The following RABGEF1 variants were observed in gnomAD, a reference collection of about 807,000 sequenced individuals.
The protein encoded by RABGEF1 is rab5 GDP/GTP exchange factor.
Under a neutral mutation model 57.3 loss-of-function variants are expected in RABGEF1, and 26 were observed. The ratio of observed to expected loss-of-function variants is 0.45; its 90% CI spans 0.33 to 0.63. The LOEUF is 0.63. Among genes scored for constraint, RABGEF1 ranks in the 20% least tolerant of loss-of-function variants. The pLI is 0.02. For synonymous variants in RABGEF1, 185 were observed against 210.7 expected (o/e 0.88, Z 1.06); for missense variants, 464 against 607.6 (o/e 0.76, Z 2.48).
intron 1 of RABGEF1, among the ~76,000 whole-genome samples, chr7:66,711,649 C>G (rs1049095021): frequency 5.3e-5 from 8 of 151,762 alleles, no homozygotes; most frequent in African/African-American, 1.9e-4. Flanking sequence ...TGCAGTGGCA[C>G]AATCTCGGCT....
At chr7:66,755,475 CAAGAA>C (rs932123382) in intron 1 of RABGEF1, among the ~76,000 whole-genome samples, 2 of 151,000 alleles carry the variant, frequency 1.3e-5, no homozygotes, top group African/African-American at 4.9e-5. Context: ...GATCCTATGT[CAAGAA>C]AAGAAAAGAA....
intron 1 of RABGEF1, among the ~76,000 whole-genome samples, chr7:66,746,698 A>G (rs1226576080): frequency 1.5e-5 from 2 of 134,982 alleles, no homozygotes; most frequent in Non-Finnish European, 3.0e-5. Flanking sequence ...ATCTCTACTC[A>G]CTGCAACTTC....
intron 8 of RABGEF1, 74 bp downstream of exon 8, chr7:66,805,470 T>G: frequency 1.9e-6 from 3 of 1,582,028 alleles, no homozygotes; most frequent in East Asian, 2.2e-5. Context: ...ACAGGTCACT[T>G]AGGCCCGTGA....
intron 1 of RABGEF1, among the ~76,000 whole-genome samples, chr7:66,763,151 T>C (rs181498445): frequency 6.6e-6 from 1 of 152,292 alleles, no homozygotes; most frequent in African/African-American, 2.4e-5. Flanking sequence ...GCGTGAGCCA[T>C]TGCCCCTAGT....
chr7:66,672,216 A>C, the RABGEF1 span, among the ~76,000 whole-genome samples: 1 of 151,070 alleles, frequency 6.6e-6, no homozygotes, highest in Non-Finnish European at 1.5e-5. Flanking sequence ...AGGTCAAGAG[A>C]TTGAGACCAT....
intron 3 of RABGEF1, among the ~76,000 whole-genome samples, chr7:66,779,467 G>C (rs1809335213): frequency 1.3e-5 from 2 of 149,594 alleles, no homozygotes; most frequent in South Asian, 4.3e-4. Context: ...TCGTGCCATT[G>C]CACTCCAGCC....
chr7:66,775,980 T>G (rs1389076524), intron 3 of RABGEF1, among the ~76,000 whole-genome samples: 1 of 152,234 alleles, frequency 6.6e-6, no homozygotes, highest in Admixed American at 6.5e-5. Flanking sequence ...TAAAATGCCA[T>G]ATAACCAGCA....
Position 66,772,072 on chromosome 7 carries a change from C to A in RABGEF1, c.173C>A (p.Ala58Glu). 1 of 1,532,768 alleles carries A rather than the reference C, an allele frequency of 6.5e-7. No individual in the cohort carries two copies. The highest frequency in any genetic ancestry group is 8.8e-7 in the Non-Finnish European group (1 of 1,137,858). 94.9% of individuals were successfully genotyped at this position (1,532,768 alleles called of 1,614,324 possible). Reference protein sequence around the residue: ...QKQIQEDWELAERLQREEEEA... With the variant: ...QKQIQEDWELEERLQREEEEA... ...CAGATTCAGGAGGACTGGGAGCTGG[C>A]GGAGCGGTAAAAGGACTTAACTAGG... The change falls in exon 2 of 9, where the codon GCG becomes GAG. Residue 58 changes from alanine to glutamate, a missense_variant. Physicochemically the swap from Ala to Glu is moderately radical, Grantham distance 107 (BLOSUM62 -1). Coordinates refer to ENST00000284957, the MANE Select transcript of RABGEF1 (RefSeq NM_014504.3).
intron 2 of RABGEF1, among the ~76,000 whole-genome samples, chr7:66,720,387 G>A (rs1043026345): frequency 4.0e-5 from 6 of 151,012 alleles, no homozygotes; most frequent in African/African-American, 9.7e-5. Context: ...TAGTAGAGAC[G>A]GGGTTTCGCC....
At chr7:66,785,251 A>G (rs1810886778) in intron 4 of RABGEF1, among the ~76,000 whole-genome samples, 1 of 152,214 alleles carries the variant, frequency 6.6e-6, no homozygotes, top group Non-Finnish European at 1.5e-5. Flanking sequence ...AGACCTGCAT[A>G]TGGCCTCAGA....
intron 1 of RABGEF1, among the ~76,000 whole-genome samples, chr7:66,766,258 G>C (rs762409328): frequency 4.7e-5 from 7 of 150,536 alleles, no homozygotes; most frequent in Non-Finnish European, 8.8e-5. Context: ...GCAGTGAGCT[G>C]TGATCACGCC....
chr7:66,773,970 T>C lies in RABGEF1; in HGVS notation c.180-1257T>C, dbSNP rs190189800. 988 of 367,392 alleles carry C rather than the reference T, an allele frequency of 2.7e-3. 5 individuals carry two copies. The Middle Eastern group carries it at 0.03, about 11-fold the overall frequency. 22.8% of individuals were successfully genotyped at this position (367,392 alleles called of 1,614,324 possible). A position where few individuals can be genotyped will look rare whatever the true frequency, so the allele number is the denominator to read the frequency against. On this transcript the variant is annotated intron_variant, in intron 2 of 8. Transcript: ENST00000284957. ...CGTGAGCCACTGCACCTGGCCTGTG[T>C]TTGGGAATTAATACAGGTGGTTCAC...
chr7:66,698,098 C>T (rs1475377753), intron 1 of RABGEF1, among the ~76,000 whole-genome samples: 4 of 150,892 alleles, frequency 2.7e-5, no homozygotes, highest in Non-Finnish European at 5.9e-5. Flanking sequence ...ATCACAGCCA[C>T]GCACCCCCCC....
At chr7:66,674,192 C>CCTTTTTTT in the RABGEF1 span, among the ~76,000 whole-genome samples, 1 of 139,330 alleles carries the variant, frequency 7.2e-6, no homozygotes, top group South Asian at 2.3e-4. Flanking sequence ...CCACTAAAGG[C>CCTTTTTTT]TTTTTTTTTT....
chr7:66,727,761 G>A (rs534320174), intron 2 of RABGEF1, among the ~76,000 whole-genome samples: 17 of 152,304 alleles, frequency 1.1e-4, no homozygotes, highest in South Asian at 4.1e-4. Flanking sequence ...GGCTGCCCGT[G>A]GATAATGGAA....
chr7:66,743,951 ACT>A (rs990580356), intron 1 of RABGEF1, among the ~76,000 whole-genome samples: 17 of 152,000 alleles, frequency 1.1e-4, no homozygotes, highest in Admixed American at 3.3e-4. Flanking sequence ...ATTTTATGTA[ACT>A]CTTACACACA....
chr7:66,785,040 C>T (rs925615750), intron 4 of RABGEF1, among the ~76,000 whole-genome samples: 3 of 152,128 alleles, frequency 2.0e-5, no homozygotes, highest in African/African-American at 7.2e-5. Context: ...TACTGTAGTA[C>T]ATATAGCATG....
chr7:66,719,167 A>G (rs1030408804), intron 2 of RABGEF1, among the ~76,000 whole-genome samples: 1 of 152,178 alleles, frequency 6.6e-6, no homozygotes, highest in Non-Finnish European at 1.5e-5. Context: ...ATTAACACCA[A>G]AAACCAACCA....
At chr7:66,762,149 ATT>A (rs1225525191) in intron 1 of RABGEF1, among the ~76,000 whole-genome samples, 3 of 152,228 alleles carry the variant, frequency 2.0e-5, no homozygotes, top group Non-Finnish European at 4.4e-5. Flanking sequence ...ACCAATATAT[ATT>A]ATAACACCAC....
Sources: allele counts gnomAD v4.1 joint callset (sites outside exome capture counted in the v4.1 genomes callset), GRCh38; gene constraint gnomAD v4.1.1; transcripts MANE v1.5; gene names NCBI Gene and HGNC (gene_info 2026-07-23, HGNC 2026-07-21).